PGM5: variants seen among roughly 807,000 people sequenced by gnomAD.
The protein encoded by PGM5 is phosphoglucomutase-like protein 5.
PGM5 carries 23 observed loss-of-function variants against 59.2 expected under a neutral mutation model. The ratio of observed to expected loss-of-function variants is 0.39; its 90% CI spans 0.28 to 0.55. PGM5 has a LOEUF of 0.55. PGM5 is among the 20% of genes least tolerant of loss of function. The probability of loss-of-function intolerance (pLI) is 0.66; values close to 1 mark genes in which losing one functional copy is unlikely to be tolerated. For missense variants in PGM5, 574 were observed against 748.3 expected (o/e 0.77, Z 2.72); for synonymous variants, 214 against 286.0 (o/e 0.75, Z 2.54).
intron 9 of PGM5, 164 bp from the exon 10 acceptor site, chr9:68,499,063 T>C (rs1325586482): frequency 4.3e-6 from 3 of 704,962 alleles, no homozygotes; most frequent in Non-Finnish European, 4.8e-6. Context: ...TCTAAGTAGG[T>C]TCATCACATT....
intron 6 of PGM5, among the ~76,000 whole-genome samples, chr9:68,419,384 C>T (rs1823090302): frequency 6.6e-6 from 1 of 152,154 alleles, no homozygotes; most frequent in African/African-American, 2.4e-5. Flanking sequence ...GAGCTCCCAG[C>T]CCTTATCTTT....
At chr9:68,467,450 T>C (rs1223686077) in intron 7 of PGM5, among the ~76,000 whole-genome samples, 10 of 152,206 alleles carry the variant, frequency 6.6e-5, no homozygotes, top group African/African-American at 2.4e-4. Context: ...TTACCATGTT[T>C]GAGATTTCCT....
At chr9:68,467,359 C>T (rs1468007478) in intron 7 of PGM5, among the ~76,000 whole-genome samples, 2 of 152,198 alleles carry the variant, frequency 1.3e-5, no homozygotes, top group African/African-American at 4.8e-5. Context: ...AGAGAATTTT[C>T]AGGATCTGTC....
chr9:68,500,290 T>A (rs1824550195), intron 10 of PGM5, among the ~76,000 whole-genome samples: 1 of 151,786 alleles, frequency 6.6e-6, no homozygotes, highest in Non-Finnish European at 1.5e-5. Flanking sequence ...AGTTTAGGGG[T>A]TTTTTTGTTT....
intron 1 of PGM5, among the ~76,000 whole-genome samples, chr9:68,370,689 G>A (rs1314027894): frequency 1.3e-5 from 2 of 152,272 alleles, no homozygotes; most frequent in African/African-American, 4.8e-5. Context: ...GCATGTGAAA[G>A]GGCATATTGA....
In PGM5 at chr9:68,462,597, G is replaced by T. The variant is rs184747027; in HGVS notation, c.1044-2496G>T. 2.6e-5 allele frequency among the ~76,000 whole-genome samples: 4 copies of T among 152,238 alleles called. No individual in the cohort carries two copies. In the East Asian group the frequency reaches 7.7e-4, roughly 29 times the overall value. On this transcript the variant is annotated intron_variant, in intron 6 of 10. Transcript: ENST00000396396. ...GACTGATTAATTGGAAAGGGTGGGA[G>T]CTGGGGAAATCCTTTTCCCTCCCTT... is the stretch of plus-strand genomic sequence containing the variant.
chr9:68,423,368 G>A (rs183711424), intron 6 of PGM5, among the ~76,000 whole-genome samples: 19 of 152,146 alleles, frequency 1.2e-4, no homozygotes, highest in Non-Finnish European at 2.1e-4. Flanking sequence ...CCTGTTCACC[G>A]CATCCACACC....
chr9:68,384,219 C>T (rs1822155994), intron 2 of PGM5, among the ~76,000 whole-genome samples, 179 bp from the exon 3 acceptor site: 1 of 151,868 alleles, frequency 6.6e-6, no homozygotes, highest in Admixed American at 6.6e-5. Flanking sequence ...GATCAAATTT[C>T]CCCCATAGTG....
chr9:68,374,178 A>G (rs1821815560), intron 1 of PGM5, among the ~76,000 whole-genome samples: 2 of 152,178 alleles, frequency 1.3e-5, no homozygotes, highest in African/African-American at 2.4e-5. Flanking sequence ...TTCCCTTTAA[A>G]TGGCTGAGAG....
chr9:68,468,004 C>G, intron 7 of PGM5, among the ~76,000 whole-genome samples: 1 of 150,974 alleles, frequency 6.6e-6, no homozygotes. Flanking sequence ...TCCCCTAAAA[C>G]CTACAACCCA....
intron 6 of PGM5, among the ~76,000 whole-genome samples, chr9:68,416,734 T>C (rs598148): frequency 0.49 from 74,477 of 152,102 alleles, 19,492 homozygotes; most frequent in Non-Finnish European, 0.58. Flanking sequence ...TCTTACACAA[T>C]TGCAGCAGAA....
chr9:68,482,869 C>T (rs1361105954), intron 8 of PGM5, among the ~76,000 whole-genome samples: 1 of 152,186 alleles, frequency 6.6e-6, no homozygotes, highest in African/African-American at 2.4e-5. Context: ...ATTTTAAACC[C>T]CACAATGACA....
chr9:68,432,877 G>T (rs1823378044), intron 6 of PGM5, among the ~76,000 whole-genome samples: 1 of 152,112 alleles, frequency 6.6e-6, no homozygotes, highest in African/African-American at 2.4e-5. Context: ...AAAGTGCTGG[G>T]ATTAAAGGCA....
At chr9:68,490,061 A>C (rs1824364773) in intron 9 of PGM5, among the ~76,000 whole-genome samples, 1 of 152,208 alleles carries the variant, frequency 6.6e-6, no homozygotes, top group Non-Finnish European at 1.5e-5. Context: ...TTTAATTTGC[A>C]AGAAGGTGTC....
At chr9:68,364,010 T>G (rs1834633078) in intron 1 of PGM5, among the ~76,000 whole-genome samples, 1 of 152,268 alleles carries the variant, frequency 6.6e-6, no homozygotes, top group East Asian at 1.9e-4. Flanking sequence ...TAACCTGTAG[T>G]GGGCCCCTTG....
At chr9:68,503,434 C>T (rs1824609073) in intron 10 of PGM5, among the ~76,000 whole-genome samples, 1 of 152,154 alleles carries the variant, frequency 6.6e-6, no homozygotes, top group Non-Finnish European at 1.5e-5. Context: ...GTGAAAAAAT[C>T]GGTGTATGGG....
At chr9:68,383,400 G>A (rs12685664) in intron 2 of PGM5, among the ~76,000 whole-genome samples, 10,559 of 151,856 alleles carry the variant, frequency 0.07, 111 homozygotes, top group Middle Eastern at 0.18. Context: ...TAATGCAATC[G>A]ATTGCATTTT....
At chr9:68,443,860 A>G (rs565361020) in intron 6 of PGM5, among the ~76,000 whole-genome samples, 12 of 152,234 alleles carry the variant, frequency 7.9e-5, no homozygotes, top group Admixed American at 2.0e-4. Context: ...TGCTCCTATT[A>G]TGTGGAAATT....
chr9:68,406,696 A>AGAGCAG (rs1822823133), intron 6 of PGM5, among the ~76,000 whole-genome samples: 1 of 75,066 alleles, frequency 1.3e-5, no homozygotes, highest in African/African-American at 5.3e-5. Context: ...ATATATATAT[A>AGAGCAG]TATATATATA....
Sources: allele counts gnomAD v4.1 joint callset (sites outside exome capture counted in the v4.1 genomes callset), GRCh38; gene constraint gnomAD v4.1.1; transcripts MANE v1.5; gene names NCBI Gene and HGNC (gene_info 2026-07-23, HGNC 2026-07-21).